ABLIM1: variants seen among roughly 807,000 people sequenced by gnomAD.
ABLIM1 encodes actin binding LIM protein 1.
In ABLIM1, 40 loss-of-function variants were observed where a neutral mutation model predicts 107.0. The observed-to-expected ratio is 0.37, with a 90% CI of 0.29 to 0.49. The LOEUF (loss-of-function observed/expected upper bound fraction) is 0.49. Ranked by LOEUF, ABLIM1 falls within the 20% of genes least tolerant of loss-of-function variation. The pLI is 0.97. For missense variants in ABLIM1, 857 were observed against 1,008.5 expected, an observed-to-expected ratio of 0.85 and a Z score of 2.04; for synonymous variants, 357 against 357.3, an observed-to-expected ratio of 1.00 and a Z score of 0.01.
At chr10:114,531,613 G>A (rs2065457100) in intron 6 of ABLIM1, among the ~76,000 whole-genome samples, 1 of 152,228 alleles carries the variant, frequency 6.6e-6, no homozygotes, top group Non-Finnish European at 1.5e-5. Context: ...CAACTCCCTG[G>A]TTCAAGTGAT....
chr10:114,488,441 A>G (rs1258413112), intron 7 of ABLIM1, among the ~76,000 whole-genome samples: 1 of 152,258 alleles, frequency 6.6e-6, no homozygotes, highest in Non-Finnish European at 1.5e-5. Context: ...TGACGGGAAT[A>G]AAGTCAACCA....
chr10:114,685,382 T>C (rs1027391830), upstream of ABLIM1, among the ~76,000 whole-genome samples: 2 of 152,212 alleles, frequency 1.3e-5, no homozygotes, highest in Non-Finnish European at 2.9e-5. Context: ...GAGATATTAA[T>C]TTAATGTAAG....
intron 1 of ABLIM1, among the ~76,000 whole-genome samples, chr10:114,678,089 G>T (rs2141507382): frequency 6.6e-6 from 1 of 151,994 alleles, no homozygotes; most frequent in Non-Finnish European, 1.5e-5. Context: ...TCAAATAAAT[G>T]TTTTAAAGTG....
In ABLIM1 at chr10:114,758,096, A is replaced by G. The variant is rs533881452; in HGVS notation, c.-213+9965T>C. ...AAGAGGCCTTCCATTATCGCCCCAT[A>G]TGCAATAGCACCTTCCCCACACTCT... On this transcript the variant is annotated intron_variant, in intron 1 of 15. Transcript: ENST00000651092. 2.2e-3 allele frequency among the ~76,000 whole-genome samples: 332 copies of G among 152,198 alleles called. 3 individuals are homozygous for G. Among genetic ancestry groups the G allele is most frequent in the African/African-American group, 7.6e-3 (315 of 41,526 alleles).
intron 1 of ABLIM1, among the ~76,000 whole-genome samples, chr10:114,607,380 G>A (rs1156257990): frequency 6.6e-6 from 1 of 151,994 alleles, no homozygotes; most frequent in Admixed American, 6.6e-5. Flanking sequence ...TTCTCCAGAT[G>A]CAACCAGCAA....
chr10:114,450,208 C>A, intron 14 of ABLIM1: 2 of 149,660 alleles, frequency 1.3e-5, no homozygotes, highest in Admixed American at 9.2e-5. Flanking sequence ...AGACAATAAA[C>A]CATAAAAAAA....
At chr10:114,791,375 A>G in the ABLIM1 span, among the ~76,000 whole-genome samples, 3 of 151,464 alleles carry the variant, frequency 2.0e-5, no homozygotes, top group Non-Finnish European at 2.9e-5. Flanking sequence ...GCGGTGGCTC[A>G]TGCCTGTAAT....
At chr10:114,646,996 AT>A (rs2079038934) in intron 1 of ABLIM1, among the ~76,000 whole-genome samples, 1 of 152,066 alleles carries the variant, frequency 6.6e-6, no homozygotes, top group Non-Finnish European at 1.5e-5. Flanking sequence ...ATTAATTAAT[AT>A]TTATTTATTT....
intron 12 of ABLIM1, chr10:114,463,107 G>T (rs748362982): frequency 1.5e-6 from 2 of 1,329,850 alleles, no homozygotes; most frequent in East Asian, 4.8e-5. Flanking sequence ...GCTGTGGGTG[G>T]GGCTGAGGCT....
chr10:114,611,952 A>G (rs2076836786), intron 1 of ABLIM1, among the ~76,000 whole-genome samples: 1 of 152,060 alleles, frequency 6.6e-6, no homozygotes. Flanking sequence ...ATTAGAAGGG[A>G]CCTCAGATTA....
At chr10:114,661,818 C>A (rs1566197551), upstream of ABLIM1, among the ~76,000 whole-genome samples, 1 of 152,060 alleles carries the variant, frequency 6.6e-6, no homozygotes, top group Non-Finnish European at 1.5e-5. Flanking sequence ...GAAAATGAAC[C>A]ATCAGTGGGA....
At chr10:114,745,951 C>T (rs572155196) in intron 1 of ABLIM1, among the ~76,000 whole-genome samples, 1 of 152,096 alleles carries the variant, frequency 6.6e-6, no homozygotes, top group Non-Finnish European at 1.5e-5. Flanking sequence ...CAGAGGAGTT[C>T]TCTCAAAATA....
intron 6 of ABLIM1, among the ~76,000 whole-genome samples, chr10:114,517,976 T>C (rs2063149919): frequency 6.6e-6 from 1 of 152,164 alleles, no homozygotes; most frequent in Admixed American, 6.5e-5. Context: ...ATACTTTTTT[T>C]TTTTGGTATT....
At chr10:114,582,447 A>G (rs7068967) in intron 2 of ABLIM1, among the ~76,000 whole-genome samples, 11,613 of 152,294 alleles carry the variant, frequency 0.076, 678 homozygotes, top group African/African-American at 0.17. Context: ...AAAGAAATCT[A>G]CAGATTCAAT....
chr10:114,468,315 C>T (rs2065640591), intron 10 of ABLIM1, 99 bp from the exon 11 acceptor site: 2 of 1,212,004 alleles, frequency 1.7e-6, no homozygotes, highest in African/African-American at 1.5e-5. Context: ...CGCTCTGTCG[C>T]CCAGGCTGGA....
At chr10:114,661,296 A>G (rs1174090930), upstream of ABLIM1, among the ~76,000 whole-genome samples, 2 of 152,220 alleles carry the variant, frequency 1.3e-5, no homozygotes, top group Non-Finnish European at 1.5e-5. Context: ...CTCCATTCTC[A>G]GGCAGTGGAG....
rs994042686 is a variant in ABLIM1 at position 114,629,022 on chromosome 10, G to A, written c.245-27061C>T. ...GGGTAAGGTACCCTTGAAGACATAA[G>A]AGAAATAACCATTTCATCAAGATTC... On this transcript the variant is annotated intron_variant, in intron 1 of 22. Transcript: ENST00000533213. This position sits in a 1 kb window ranked among gnomAD's most constrained non-coding sequence, Gnocchi z 4.0. Among the ~76,000 whole-genome samples the A allele has an allele frequency of 6.6e-6, 1 of 152,102 alleles. No individual in the cohort carries two copies. The highest frequency in any genetic ancestry group is 1.5e-5 in the Non-Finnish European group (1 of 68,014).
chr10:114,721,834 A>T (rs979917973), intron 1 of ABLIM1, among the ~76,000 whole-genome samples: 1 of 152,140 alleles, frequency 6.6e-6, no homozygotes, highest in African/African-American at 2.4e-5. Flanking sequence ...ATGTTGGATT[A>T]GTCTGTTGTT....
At chr10:114,588,416 C>T (rs116386618) in intron 2 of ABLIM1, among the ~76,000 whole-genome samples, 1,642 of 151,548 alleles carry the variant, frequency 0.011, 26 homozygotes, top group African/African-American at 0.037. Flanking sequence ...AGGCCATGAT[C>T]AGAGAACCTT....
Sources: gnomAD v4.1 joint callset for allele counts (sites outside exome capture counted in the v4.1 genomes callset) on GRCh38, gnomAD v4.1.1 for gene constraint, Gnocchi (gnomAD v3.1) non-coding constraint, MANE v1.5 for transcripts, NCBI Gene and HGNC (gene_info 2026-07-23, HGNC 2026-07-21) for gene names.